LRP11: variants seen among roughly 807,000 people sequenced by gnomAD.
LRP11 encodes the protein LDL receptor related protein 11.
Under a neutral mutation model 43.1 loss-of-function variants are expected in LRP11, and 25 were observed. The ratio of observed to expected loss-of-function variants is 0.58; its 90% CI spans 0.42 to 0.81. The LOEUF (loss-of-function observed/expected upper bound fraction) is 0.81. Among genes scored for constraint, LRP11 ranks in the 30% least tolerant of loss-of-function variants. LRP11 has a pLI of 0.00. For synonymous variants in LRP11, 316 were observed against 299.4 expected (o/e 1.06, Z -0.57); for missense variants, 623 against 665.1 (o/e 0.94, Z 0.70).
chr6:149,835,571 G>C (rs1470323904), intron 5 of LRP11, among the ~76,000 whole-genome samples: 1 of 152,130 alleles, frequency 6.6e-6, no homozygotes, highest in Non-Finnish European at 1.5e-5. Context: ...TCGCGTCACT[G>C]TACTCCAGCC....
chr6:149,855,458 T>C (rs1444240894), intron 1 of LRP11, among the ~76,000 whole-genome samples: 4 of 152,142 alleles, frequency 2.6e-5, no homozygotes, highest in South Asian at 2.1e-4. Context: ...AAATAAACAC[T>C]GAAGAAAAAC....
chr6:149,863,948 G>A lies in LRP11; in HGVS notation c.73C>T (p.Leu25=), dbSNP rs767086314. The change falls in exon 1 of 7, where the codon CTG becomes TTG. Residue 25 remains leucine (L), a synonymous_variant. Transcript: ENST00000239367. ...GGCAGCCACAGGCAGAGCAGTAGCA[G>A]CCCGCGCAGCGCCCCGTGACGCGGC... The part of the protein sequence containing the change: ...LPPRHGALRG[L]LLLCLWLPSG... 45 of 1,447,960 alleles carry A rather than the reference G, an allele frequency of 3.1e-5. No homozygotes were observed. In the East Asian group the frequency reaches 1.3e-3, roughly 43 times the overall value. 89.7% of individuals were successfully genotyped at this position (1,447,960 alleles called of 1,614,324 possible).
intron 1 of LRP11, among the ~76,000 whole-genome samples, chr6:149,855,821 G>A (rs112399699): frequency 0.016 from 2,366 of 152,040 alleles, 65 homozygotes; most frequent in African/African-American, 0.054. Context: ...GTGAGGACTA[G>A]TAACTGTGAT....
Position 149,820,304 on chromosome 6 carries a change from G to T in LRP11, c.*245C>A. On this transcript the variant is annotated 3_prime_UTR_variant, in exon 7 of 7. Transcript: ENST00000239367. ...CTAAGTACACATTTCTATTTTCAGG[G>T]ACAGCTTACATAAATCAGAATTATA... The T allele has an allele frequency of 3.0e-6, 1 of 333,976 alleles. No individual in the cohort carries two copies. Among genetic ancestry groups the T allele is most frequent in the Non-Finnish European group, 5.5e-6 (1 of 182,434 alleles). 20.7% of individuals were successfully genotyped at this position (333,976 alleles called of 1,614,324 possible). A position where few individuals can be genotyped will look rare whatever the true frequency, so the allele number is the denominator to read the frequency against.
chr6:149,833,048 T>TC (rs1279826699), intron 5 of LRP11, among the ~76,000 whole-genome samples: 2 of 152,152 alleles, frequency 1.3e-5, no homozygotes, highest in African/African-American at 4.8e-5. Flanking sequence ...GACCTTGTGA[T>TC]CCGCCTGCCT....
At chr6:149,861,592 C>T (rs1044421999) in intron 1 of LRP11, among the ~76,000 whole-genome samples, 3 of 152,188 alleles carry the variant, frequency 2.0e-5, no homozygotes, top group African/African-American at 7.2e-5. Context: ...GTACTCACTG[C>T]GACCTCCACC....
In LRP11 at chr6:149,864,111, T is replaced by A; in HGVS notation, c.-91A>T. On this transcript the variant is annotated 5_prime_UTR_variant, in exon 1 of 7. Transcript: ENST00000239367. ...GCGAGCGCGGGCCCTGGGCCCCTCC[T>A]GCGCGGCCGCGGCTGGCTCTAGGCC... 1 of 1,190,716 alleles carries A rather than the reference T, an allele frequency of 8.4e-7. No individual in the cohort carries two copies. Among genetic ancestry groups the A allele is most frequent in the Non-Finnish European group, 1.0e-6 (1 of 962,896 alleles). The allele number at this position is 1,190,716 out of a possible 1,614,324, so 73.8% of individuals were successfully genotyped here.
chr6:149,851,058 T>C (rs1367687496), intron 2 of LRP11, among the ~76,000 whole-genome samples: 2 of 152,206 alleles, frequency 1.3e-5, no homozygotes, highest in Non-Finnish European at 2.9e-5. Context: ...TATATCATTC[T>C]AAGACAGTCA....
intron 5 of LRP11, 79 bp from the exon 6 acceptor site, chr6:149,826,438 A>ATT (rs1241222328): frequency 1.0e-6 from 1 of 958,206 alleles, no homozygotes; most frequent in Non-Finnish European, 1.6e-6. Flanking sequence ...ATACAGCCTT[A>ATT]TTTTTTTTTA....
At chr6:149,825,604 CAG>C (rs1166643306) in intron 6 of LRP11, among the ~76,000 whole-genome samples, 3 of 151,932 alleles carry the variant, frequency 2.0e-5, no homozygotes, top group Admixed American at 6.6e-5. Context: ...AACTGAGATC[CAG>C]AGAGATAAGA....
intron 6 of LRP11, 134 bp from the exon 7 acceptor site, chr6:149,820,837 T>C: frequency 1.8e-6 from 1 of 567,788 alleles, no homozygotes. Context: ...ATTATCACTA[T>C]TTTGCAGATT....
rs1427478605 is a variant in LRP11, at chr6:149,819,396, T to G, written c.*1153A>C. ...CTCAGAATCATTTCTAGAATGTGTA[T>G]AATCCCGGCGTTAAGTGATGGTGGG... On this transcript the variant is annotated 3_prime_UTR_variant, in exon 7 of 7. Coordinates refer to ENST00000239367, the MANE Select transcript of LRP11 (RefSeq NM_032832.6). The G allele has an allele frequency of 6.6e-6, 1 of 152,224 alleles. No homozygotes were observed. The highest frequency in any genetic ancestry group is 2.4e-5 in the African/African-American group (1 of 41,438). The allele number at this position is 152,224 out of a possible 1,614,324, so 9.4% of individuals were successfully genotyped here.
chr6:149,863,496 G>C lies in LRP11; in HGVS notation c.525C>G (p.Phe175Leu). 5 of 1,346,614 alleles carry C rather than the reference G, an allele frequency of 3.7e-6. No individual in the cohort carries two copies. The highest frequency in any genetic ancestry group is 3.1e-5 in the East Asian group (1 of 32,110). The allele number at this position is 1,346,614 out of a possible 1,614,324, so 83.4% of individuals were successfully genotyped here. ...CTARGRNVCK[F>L]ALHSGYSSYS... ...AGCTGCTGTAGCCGCTGTGCAGCGC[G>C]AACTTGCAGACGTTGCGGCCGCGCG... The change falls in exon 1 of 7, where the codon TTC (phenylalanine) becomes TTG (leucine). Residue 175 changes from phenylalanine to leucine, a missense_variant. Phe to Leu is a conservative substitution (Grantham distance 22). Transcript: ENST00000239367.
At chr6:149,828,744 C>A (rs1205689411) in intron 5 of LRP11, among the ~76,000 whole-genome samples, 1 of 152,086 alleles carries the variant, frequency 6.6e-6, no homozygotes. Flanking sequence ...CCCGCCTTGA[C>A]CTCCCAAAGT....
intron 3 of LRP11, chr6:149,842,537 C>T: frequency 9.7e-7 from 1 of 1,030,406 alleles, no homozygotes; most frequent in Non-Finnish European, 1.5e-6. Context: ...ACCCTTTGAC[C>T]AGCGTCTCTC....
chr6:149,842,756 T>C, intron 3 of LRP11: 2 of 1,437,276 alleles, frequency 1.4e-6, no homozygotes, highest in Non-Finnish European at 1.9e-6. Flanking sequence ...GAGCATCTCT[T>C]CTCATCCCCT....
At chr6:149,834,518 A>T (rs2115382172) in intron 5 of LRP11, among the ~76,000 whole-genome samples, 1 of 152,338 alleles carries the variant, frequency 6.6e-6, no homozygotes, top group East Asian at 1.9e-4. Flanking sequence ...GAATTCATCC[A>T]TCCTGGCCTC....
At chr6:149,830,568 C>T (rs1776396131) in intron 5 of LRP11, among the ~76,000 whole-genome samples, 1 of 152,162 alleles carries the variant, frequency 6.6e-6, no homozygotes, top group African/African-American at 2.4e-5. Context: ...CTGGACAAAG[C>T]TTTATTAAGG....
At chr6:149,824,758 G>C (rs1001004201) in intron 6 of LRP11, among the ~76,000 whole-genome samples, 16 of 152,222 alleles carry the variant, frequency 1.1e-4, no homozygotes, top group Non-Finnish European at 1.6e-4. Context: ...TACTAGGGAG[G>C]CTGAGGCAGG....
Sources: gnomAD v4.1 joint callset for allele counts (sites outside exome capture counted in the v4.1 genomes callset) on GRCh38, gnomAD v4.1.1 for gene constraint, MANE v1.5 for transcripts, NCBI Gene and HGNC (gene_info 2026-07-23, HGNC 2026-07-21) for gene names.